MYBL2: variants seen among roughly 807,000 people sequenced by gnomAD.
MYBL2 encodes MYB proto-oncogene like 2.
In MYBL2, 28 loss-of-function variants were observed where a neutral mutation model predicts 79.9. That is an observed-to-expected ratio of 0.35 (90% CI 0.26 to 0.48). The LOEUF is 0.48. Among genes scored for constraint, MYBL2 ranks in the 20% least tolerant of loss-of-function variants. MYBL2 has a pLI of 0.99. For missense variants in MYBL2, 735 were observed against 893.9 expected (o/e 0.82, Z 2.27); for synonymous variants, 378 against 361.2 (o/e 1.05, Z -0.53).
At chr20:43,672,904 C>G (rs1986901501) in intron 1 of MYBL2, among the ~76,000 whole-genome samples, 1 of 152,144 alleles carries the variant, frequency 6.6e-6, no homozygotes, top group Admixed American at 6.6e-5. Context: ...AAGCGATAGT[C>G]TGATTTTGAA....
intron 8 of MYBL2, among the ~76,000 whole-genome samples, chr20:43,703,442 G>T (rs60385149): frequency 0.031 from 4,740 of 152,294 alleles, 252 homozygotes; most frequent in African/African-American, 0.099. Flanking sequence ...TGCTCTGTTA[G>T]TAACACACAG....
rs1036461466 is a variant in MYBL2 at position 43,705,856 on chromosome 20, G to A, written c.1505+498G>A. Among the ~76,000 whole-genome samples the A allele has an allele frequency of 5.3e-5, 8 of 151,638 alleles. No individual in the cohort carries two copies. In the South Asian group the frequency reaches 1.0e-3, roughly 20 times the overall value. The stretch of plus-strand genomic sequence containing the variant: ...GCTAGGACTACAGGCATCCGCCACC[G>A]CGCTCAGCTAATTTTTTGTATTTTT... On this transcript the variant is annotated intron_variant, in intron 9 of 13. Coordinates refer to ENST00000217026, the MANE Select transcript of MYBL2 (RefSeq NM_002466.4).
chr20:43,668,718 C>T (rs959999053), intron 1 of MYBL2, among the ~76,000 whole-genome samples: 1 of 148,602 alleles, frequency 6.7e-6, no homozygotes, highest in Non-Finnish European at 1.5e-5. Flanking sequence ...GGCAGGGTCT[C>T]CGTCTGCAGT....
intron 9 of MYBL2, among the ~76,000 whole-genome samples, chr20:43,707,177 T>G (rs1987809758): frequency 6.8e-6 from 1 of 146,304 alleles, no homozygotes; most frequent in South Asian, 2.2e-4. Flanking sequence ...TGACTCTCTT[T>G]CTAGTTTTTT....
intron 8 of MYBL2, 128 bp downstream of exon 8, chr20:43,703,031 A>G (rs1987709013): frequency 9.4e-7 from 1 of 1,064,534 alleles, no homozygotes. Context: ...TAGGAAGACC[A>G]GGTAACTAAA....
chr20:43,716,309 G>A lies in MYBL2; in HGVS notation c.*222G>A. ...GCTAACAACAAAGTTCCACTTCCAGGTCTGCCTGGTTCCCTCCCCAAGGCC... is the reference window on the plus strand; with the variant it reads ...GCTAACAACAAAGTTCCACTTCCAGATCTGCCTGGTTCCCTCCCCAAGGCC... On this transcript the variant is annotated 3_prime_UTR_variant, in exon 14 of 14. Transcript: ENST00000217026. 1.6e-6 allele frequency: 1 copy of A among 624,276 alleles called. No individual in the cohort carries two copies. Among genetic ancestry groups the A allele is most frequent in the Non-Finnish European group, 2.6e-6 (1 of 383,252 alleles). 38.7% of individuals were successfully genotyped at this position (624,276 alleles called of 1,614,324 possible).
chr20:43,671,187 C>CACCCA (rs1986845542), intron 1 of MYBL2, among the ~76,000 whole-genome samples: 1 of 151,368 alleles, frequency 6.6e-6, no homozygotes, highest in Non-Finnish European at 1.5e-5. Context: ...TCTCGTCTGT[C>CACCCA]GCCCAGGCTG....
At chr20:43,671,691 C>G (rs531660774) in intron 1 of MYBL2, among the ~76,000 whole-genome samples, 106 of 151,644 alleles carry the variant, frequency 7.0e-4, no homozygotes, top group African/African-American at 2.5e-3. Context: ...AGGCTAGTCT[C>G]GAACTCCCGA....
chr20:43,667,310 C>G lies in MYBL2; in HGVS notation c.20+7C>G, dbSNP rs1986739992. 15 of 1,229,656 alleles carry G rather than the reference C, an allele frequency of 1.2e-5. No individual in the cohort carries two copies. Among genetic ancestry groups the G allele is most frequent in the Admixed American group, 4.2e-5 (1 of 23,544 alleles). 76.2% of individuals were successfully genotyped at this position (1,229,656 alleles called of 1,614,324 possible). On this transcript the variant is annotated splice_region_variant and intron_variant, in intron 1 of 13. Transcript: ENST00000217026. The stretch of plus-strand genomic sequence containing the variant: ...TGTCTCGGCGGACGCGCTGGTGAGA[C>G]GAGCCGGGAGGGCTTGGGCCCCTCC...
chr20:43,689,069 G>T (rs1276331752), intron 5 of MYBL2, among the ~76,000 whole-genome samples: 1 of 152,178 alleles, frequency 6.6e-6, no homozygotes, highest in African/African-American at 2.4e-5. Flanking sequence ...GAGATTACAG[G>T]TGTGAGCCAC....
chr20:43,683,058 T>C (rs1987180835), intron 4 of MYBL2, among the ~76,000 whole-genome samples, 172 bp downstream of exon 4: 1 of 152,164 alleles, frequency 6.6e-6, no homozygotes, highest in South Asian at 2.1e-4. Flanking sequence ...GCCCTGAGAT[T>C]CCAAGTTTCA....
chr20:43,706,719 GTT>G, intron 9 of MYBL2, among the ~76,000 whole-genome samples: 3 of 70,782 alleles, frequency 4.2e-5, no homozygotes, highest in African/African-American at 1.2e-4. Flanking sequence ...AAAAAAAAAA[GTT>G]TTTTTTTTTT....
At chr20:43,715,090 G>C in intron 12 of MYBL2, 44 bp from the exon 13 acceptor site, 1 of 1,607,740 alleles carries the variant, frequency 6.2e-7, no homozygotes, top group Non-Finnish European at 8.5e-7. Flanking sequence ...CCCTCTCACA[G>C]CTTCTCGCAA....
chr20:43,693,820 G>A (rs1987470825), intron 6 of MYBL2, among the ~76,000 whole-genome samples: 1 of 152,114 alleles, frequency 6.6e-6, no homozygotes, highest in South Asian at 2.1e-4. Flanking sequence ...GGAGGCCAAG[G>A]CTTTTGGATC....
intron 2 of MYBL2, among the ~76,000 whole-genome samples, chr20:43,680,796 C>A (rs1987124867): frequency 6.6e-6 from 1 of 152,132 alleles, no homozygotes; most frequent in South Asian, 2.1e-4. Flanking sequence ...CCTGGCTTGA[C>A]ATTTTCTTTA....
At chr20:43,703,584 G>T (rs1039711278) in intron 8 of MYBL2, among the ~76,000 whole-genome samples, 6 of 152,140 alleles carry the variant, frequency 3.9e-5, no homozygotes, top group Non-Finnish European at 2.9e-5. Context: ...GAAAAGGAAG[G>T]ACAGAGTGGA....
chr20:43,708,044 C>A (rs420755), intron 9 of MYBL2, among the ~76,000 whole-genome samples: 1 of 152,032 alleles, frequency 6.6e-6, no homozygotes, highest in Non-Finnish European at 1.5e-5. Flanking sequence ...ATTTACAGAG[C>A]TGCATTTTTT....
chr20:43,677,095 C>A (rs1987029458), intron 2 of MYBL2, among the ~76,000 whole-genome samples: 1 of 152,114 alleles, frequency 6.6e-6, no homozygotes, highest in African/African-American at 2.4e-5. Context: ...CCTTTTAAAT[C>A]ATGAAAGATG....
At chr20:43,711,167 G>A (rs1253430874) in intron 10 of MYBL2, among the ~76,000 whole-genome samples, 1 of 152,188 alleles carries the variant, frequency 6.6e-6, no homozygotes, top group Non-Finnish European at 1.5e-5. Flanking sequence ...CTGTGTGACT[G>A]TGTGCCAGGC....
Sources: allele counts gnomAD v4.1 joint callset (sites outside exome capture counted in the v4.1 genomes callset), GRCh38; gene constraint gnomAD v4.1.1; transcripts MANE v1.5; gene names NCBI Gene and HGNC (gene_info 2026-07-23, HGNC 2026-07-21).